Variants in CNTN5 observed in about 807,000 individuals in gnomAD.
CNTN5 encodes contactin 5.
Under a neutral mutation model 129.1 loss-of-function variants are expected in CNTN5, and 77 were observed. The observed-to-expected ratio is 0.60, with a 90% CI of 0.50 to 0.72. The LOEUF (loss-of-function observed/expected upper bound fraction) is 0.72, where lower values mean the gene tolerates loss of function less well. Among genes scored for constraint, CNTN5 ranks in the 30% least tolerant of loss-of-function variants. CNTN5 has a pLI of 0.00. For missense variants in CNTN5, 1,478 were observed against 1,328.8 expected, an observed-to-expected ratio of 1.11 and a Z score of -1.75; for synonymous variants, 509 against 465.6, an observed-to-expected ratio of 1.09 and a Z score of -1.20.
At chr11:99,462,350 C>CTTT (rs1565202161) in intron 2 of CNTN5, among the ~76,000 whole-genome samples, 2 of 109,538 alleles carry the variant, frequency 1.8e-5, no homozygotes, top group African/African-American at 6.8e-5. Flanking sequence ...TTCTTTTTTT[C>CTTT]TTTTCTTTTC....
At chr11:100,044,997 T>A (rs147620672) in intron 9 of CNTN5, among the ~76,000 whole-genome samples, 1 of 152,242 alleles carries the variant, frequency 6.6e-6, no homozygotes, top group Non-Finnish European at 1.5e-5. Flanking sequence ...GGTCTCCTTT[T>A]TTCTCAGGCC....
At chr11:100,001,102 C>T (rs941329705) in intron 8 of CNTN5, among the ~76,000 whole-genome samples, 5 of 152,130 alleles carry the variant, frequency 3.3e-5, no homozygotes, top group East Asian at 1.9e-4. Context: ...CTCAGCTCCT[C>T]GTTACTTATG....
chr11:99,997,803 C>T (rs1451898518), intron 8 of CNTN5, among the ~76,000 whole-genome samples: 1 of 152,068 alleles, frequency 6.6e-6, no homozygotes, highest in African/African-American at 2.4e-5. Context: ...AAAGCTTATC[C>T]ACCATGATCA....
intron 21 of CNTN5, among the ~76,000 whole-genome samples, chr11:100,333,568 G>T (rs572653947): frequency 6.6e-6 from 1 of 152,110 alleles, no homozygotes; most frequent in Non-Finnish European, 1.5e-5. Context: ...AAACAGCATG[G>T]TACTGATATA....
At chr11:99,093,443 CTG>C (rs1866336983) in intron 1 of CNTN5, among the ~76,000 whole-genome samples, 1 of 120,046 alleles carries the variant, frequency 8.3e-6, no homozygotes, top group Admixed American at 9.5e-5. Flanking sequence ...TATTGTTTTT[CTG>C]TTTTTTTTTT....
Position 100,094,765 on chromosome 11 carries a change from A to AGGAAAGGAAGG in CNTN5, c.1580+20471_1580+20472insGGAAAGGAAGG, listed in dbSNP as rs1944931366. Among the ~76,000 whole-genome samples, 134 of 113,922 alleles carry AGGAAAGGAAGG rather than the reference A, an allele frequency of 1.2e-3. No homozygotes were observed. The Middle Eastern group carries it at 0.015, about 13-fold the overall frequency. The allele number at this position is 113,922 out of a possible 152,430, so 74.7% of individuals were successfully genotyped here. A position where few individuals can be genotyped will look rare whatever the true frequency, so the allele number is the denominator to read the frequency against. ...AAGAAGAAGGAGGGAGGGAGGGAGGAAAGGAAGGAAGGAAGGAAGGAAGGA... is the reference window on the plus strand; with the variant it reads ...AAGAAGAAGGAGGGAGGGAGGGAGGAGGAAAGGAAGGAAGGAAGGAAGGAAGGAAGGAAGGA... On this transcript the variant is annotated intron_variant, in intron 13 of 24. Transcript: ENST00000524871.
intron 3 of CNTN5, among the ~76,000 whole-genome samples, chr11:99,587,840 T>C (rs991316965): frequency 1.3e-5 from 2 of 152,174 alleles, no homozygotes; most frequent in Non-Finnish European, 2.9e-5. Flanking sequence ...AATAGTTGGG[T>C]CAAAATGGGT....
rs545902030 is a variant in CNTN5, at chr11:99,149,499, A to C, written c.-210+128229A>C. Among the ~76,000 whole-genome samples, 102 of 152,274 alleles carry C rather than the reference A, an allele frequency of 6.7e-4. No individual in the cohort carries two copies. In the South Asian group the frequency reaches 0.02, roughly 30 times the overall value. ...TTATTTTAGAATACTAGATGTATAA[A>C]ATCATAATTATGAAGGTTCACATAT... is the stretch of plus-strand genomic sequence containing the variant. On this transcript the variant is annotated intron_variant, in intron 1 of 24. Coordinates refer to ENST00000524871, the MANE Select transcript of CNTN5 (RefSeq NM_014361.4).
At chr11:99,158,882 C>A (rs373496586) in intron 1 of CNTN5, among the ~76,000 whole-genome samples, 1 of 151,972 alleles carries the variant, frequency 6.6e-6, no homozygotes, top group Non-Finnish European at 1.5e-5. Flanking sequence ...GTTATATAAA[C>A]CTTCAGTAAA....
chr11:100,341,292 C>T lies in CNTN5; in HGVS notation c.3030+87C>T, dbSNP rs1952155802. ...GAAAATTAATAAGGCATAAAAAGAC[C>T]CATTAACCAACCTATTTTTTCTCAG... On this transcript the variant is annotated intron_variant, in intron 23 of 24. Coordinates refer to ENST00000524871, the MANE Select transcript of CNTN5 (RefSeq NM_014361.4). The T allele has an allele frequency of 3.3e-6, 3 of 917,266 alleles. No homozygotes were observed. In the Admixed American group the frequency reaches 5.9e-5, roughly 18 times the overall value. The allele number at this position is 917,266 out of a possible 1,614,324, so 56.8% of individuals were successfully genotyped here. A position where few individuals can be genotyped will look rare whatever the true frequency, so the allele number is the denominator to read the frequency against.
intron 1 of CNTN5, among the ~76,000 whole-genome samples, chr11:99,211,450 TC>T (rs1483828425): frequency 1.2e-4 from 18 of 152,182 alleles, no homozygotes; most frequent in Admixed American, 9.8e-4. Flanking sequence ...GCCATGTGAG[TC>T]ATATGTGACA....
At chr11:99,729,791 A>T (rs1285982246) in intron 3 of CNTN5, among the ~76,000 whole-genome samples, 2 of 152,148 alleles carry the variant, frequency 1.3e-5, no homozygotes, top group Admixed American at 6.5e-5. Flanking sequence ...CAGCAAACTA[A>T]CACAGGAACA....
At chr11:99,385,723 T>C (rs1322771706) in intron 2 of CNTN5, among the ~76,000 whole-genome samples, 1 of 152,178 alleles carries the variant, frequency 6.6e-6, no homozygotes, top group African/African-American at 2.4e-5. Flanking sequence ...TTGGCTCATA[T>C]AACTGGAAGA....
intron 7 of CNTN5, among the ~76,000 whole-genome samples, chr11:99,922,553 A>C (rs1404393337): frequency 6.6e-6 from 1 of 152,184 alleles, no homozygotes; most frequent in Admixed American, 6.5e-5. Flanking sequence ...GTTTCATCCA[A>C]ATAGTCATGT....
At chr11:99,503,492 A>G (rs1392016425) in intron 2 of CNTN5, among the ~76,000 whole-genome samples, 3 of 152,240 alleles carry the variant, frequency 2.0e-5, no homozygotes, top group Admixed American at 2.0e-4. Context: ...CAGTTCAGAC[A>G]TAATCACTTC....
intron 3 of CNTN5, among the ~76,000 whole-genome samples, chr11:99,787,328 A>T (rs937194936): frequency 6.6e-6 from 1 of 151,694 alleles, no homozygotes; most frequent in African/African-American, 2.4e-5. Context: ...GACAGTGATC[A>T]TGAAATTAGG....
chr11:99,774,699 T>C (rs913687884), intron 3 of CNTN5, among the ~76,000 whole-genome samples: 3 of 152,012 alleles, frequency 2.0e-5, no homozygotes, highest in Admixed American at 6.6e-5. Context: ...TGCTTTATTC[T>C]GTCCTGTTAC....
intron 1 of CNTN5, among the ~76,000 whole-genome samples, chr11:99,175,439 A>C (rs1857725931): frequency 6.6e-6 from 1 of 152,100 alleles, no homozygotes. Context: ...CTGTTCTAGC[A>C]ACCTTTAGAG....
At chr11:99,534,363 T>G (rs190099106) in intron 2 of CNTN5, among the ~76,000 whole-genome samples, 3 of 151,720 alleles carry the variant, frequency 2.0e-5, no homozygotes, top group Non-Finnish European at 4.4e-5. Flanking sequence ...ATGAGCATGA[T>G]TTTAATGAGA....
Sources: allele counts gnomAD v4.1 joint callset (sites outside exome capture counted in the v4.1 genomes callset), GRCh38; gene constraint gnomAD v4.1.1; transcripts MANE v1.5; gene names NCBI Gene and HGNC (gene_info 2026-07-23, HGNC 2026-07-21).